The following BMPR1B variants were observed in gnomAD, a reference collection of about 807,000 sequenced individuals.
The protein encoded by BMPR1B is bone morphogenetic protein receptor type 1B.
In BMPR1B, 12 loss-of-function variants were observed where a neutral mutation model predicts 59.1. That is an observed-to-expected ratio of 0.20 (90% CI 0.13 to 0.33). The LOEUF (loss-of-function observed/expected upper bound fraction) is 0.33, where lower values mean the gene tolerates loss of function less well. Among genes scored for constraint, BMPR1B ranks in the 10% least tolerant of loss-of-function variants. The pLI, the probability that BMPR1B is intolerant of heterozygous loss-of-function variation, is 1.00. For synonymous variants in BMPR1B, 237 were observed against 207.3 expected (o/e 1.14, Z -1.23); for missense variants, 550 against 610.9 (o/e 0.90, Z 1.05).
rs200976327 is a variant in BMPR1B at position 95,032,922 on chromosome 4, A to G, written c.-18+36788A>G. Among the ~76,000 whole-genome samples, 13 of 152,236 alleles carry G rather than the reference A, an allele frequency of 8.5e-5. No homozygotes were observed. The East Asian group carries it at 1.9e-3, about 23-fold the overall frequency. On this transcript the variant is annotated intron_variant, in intron 3 of 12. Coordinates refer to ENST00000515059, the MANE Select transcript of BMPR1B (RefSeq NM_001203.3). ...GCCATACTATTTCCATAGCTGCCAC[A>G]CTATTTTACATTTCCTCCAACAGTG...
chr4:95,095,589 C>G (rs1410511616), intron 3 of BMPR1B, among the ~76,000 whole-genome samples: 1 of 151,968 alleles, frequency 6.6e-6, no homozygotes, highest in Middle Eastern at 3.2e-3. Context: ...TGAGAATCAA[C>G]ATTTGGTTAA....
chr4:94,865,002 TTTTC>T (rs775967359), intron 1 of BMPR1B, among the ~76,000 whole-genome samples: 5 of 152,092 alleles, frequency 3.3e-5, no homozygotes, highest in African/African-American at 7.2e-5. Context: ...ATCTTCAAGT[TTTTC>T]TTTCTTTCTT....
intron 3 of BMPR1B, among the ~76,000 whole-genome samples, chr4:95,057,402 G>A (rs543524106): frequency 5.3e-5 from 8 of 152,054 alleles, no homozygotes; most frequent in East Asian, 1.9e-4. Context: ...ACGCCACCAC[G>A]CCCAGCTATT....
At chr4:94,838,723 T>A (rs1276977101) in intron 1 of BMPR1B, among the ~76,000 whole-genome samples, 3 of 136,710 alleles carry the variant, frequency 2.2e-5, no homozygotes, top group Non-Finnish European at 4.8e-5. Flanking sequence ...CCTGGATTCA[T>A]TAATTTTTTG....
At chr4:94,974,008 A>G (rs184257354) in intron 2 of BMPR1B, among the ~76,000 whole-genome samples, 2 of 152,322 alleles carry the variant, frequency 1.3e-5, no homozygotes, top group African/African-American at 4.8e-5. Context: ...TGTTTATGTC[A>G]ATTCATGCTT....
chr4:94,866,314 A>C (rs1412660455), intron 1 of BMPR1B, among the ~76,000 whole-genome samples: 1 of 151,994 alleles, frequency 6.6e-6, no homozygotes, highest in African/African-American at 2.4e-5. Flanking sequence ...GTCAACATCC[A>C]CTTGTATTTC....
At chr4:94,879,011 A>T (rs1035672685) in intron 2 of BMPR1B, among the ~76,000 whole-genome samples, 4 of 150,110 alleles carry the variant, frequency 2.7e-5, no homozygotes, top group Admixed American at 1.3e-4. Context: ...TTATTTTTTT[A>T]TTATTATACT....
chr4:94,942,514 A>C (rs1489073676), intron 2 of BMPR1B, among the ~76,000 whole-genome samples: 1 of 152,230 alleles, frequency 6.6e-6, no homozygotes, highest in East Asian at 1.9e-4. Flanking sequence ...TAATCAGCCA[A>C]ATAAACAAGT....
At chr4:95,138,236 C>A (rs1733954094) in intron 10 of BMPR1B, among the ~76,000 whole-genome samples, 1 of 152,142 alleles carries the variant, frequency 6.6e-6, no homozygotes, top group African/African-American at 2.4e-5. Flanking sequence ...ATATTGGCCC[C>A]CACTCTCTTC....
chr4:95,036,797 T>G (rs778383307), intron 3 of BMPR1B, among the ~76,000 whole-genome samples: 9 of 151,936 alleles, frequency 5.9e-5, no homozygotes, highest in Admixed American at 2.0e-4. Context: ...ATATCTGAAC[T>G]GTTTTCTGTA....
intron 3 of BMPR1B, among the ~76,000 whole-genome samples, chr4:95,094,113 C>T (rs929532974): frequency 2.0e-5 from 3 of 151,986 alleles, no homozygotes; most frequent in Non-Finnish European, 2.9e-5. Context: ...CCACGTGTAG[C>T]TGATTTGTCT....
At chr4:95,103,019 T>G (rs1009870992) in intron 3 of BMPR1B, among the ~76,000 whole-genome samples, 2 of 152,094 alleles carry the variant, frequency 1.3e-5, no homozygotes, top group Admixed American at 1.3e-4. Context: ...ATCAACATTT[T>G]TTTTTTCTGG....
intron 2 of BMPR1B, among the ~76,000 whole-genome samples, chr4:94,945,582 A>G (rs1345026905): frequency 6.6e-6 from 1 of 152,100 alleles, no homozygotes; most frequent in Non-Finnish European, 1.5e-5. Flanking sequence ...CTACAAGTAC[A>G]TGCCATCATG....
chr4:94,885,433 G>T (rs1727136558), intron 2 of BMPR1B, among the ~76,000 whole-genome samples: 1 of 152,186 alleles, frequency 6.6e-6, no homozygotes, highest in Non-Finnish European at 1.5e-5. Context: ...GAATGGTAGA[G>T]TTTGGACATT....
At chr4:94,853,236 A>G (rs1320106821) in intron 1 of BMPR1B, among the ~76,000 whole-genome samples, 1 of 152,194 alleles carries the variant, frequency 6.6e-6, no homozygotes, top group African/African-American at 2.4e-5. Context: ...GTAAAAATGA[A>G]AAGTTTCTTT....
intron 1 of BMPR1B, among the ~76,000 whole-genome samples, chr4:94,864,689 A>G (rs1726139196): frequency 6.6e-6 from 1 of 152,188 alleles, no homozygotes; most frequent in African/African-American, 2.4e-5. Context: ...AAGAGGCACA[A>G]GCTTAAGGTA....
intron 1 of BMPR1B, among the ~76,000 whole-genome samples, chr4:94,849,793 G>GGT (rs1553912364): frequency 0.042 from 1,118 of 26,894 alleles, 10 homozygotes; most frequent in African/African-American, 0.1. Flanking sequence ...GGGGTTTTTT[G>GGT]GTGTGTGTGT....
At chr4:95,017,601 T>A (rs1345130933) in intron 3 of BMPR1B, among the ~76,000 whole-genome samples, 5 of 152,236 alleles carry the variant, frequency 3.3e-5, no homozygotes, top group Non-Finnish European at 5.9e-5. Context: ...GACAGATGAA[T>A]CTTGGCACTT....
At chr4:94,908,329 GT>G (rs58910361) in intron 2 of BMPR1B, among the ~76,000 whole-genome samples, 31 of 145,268 alleles carry the variant, frequency 2.1e-4, no homozygotes, top group African/African-American at 3.3e-4. Flanking sequence ...ATTTGAAATT[GT>G]TTTTTTTTTG....
Sources: allele counts gnomAD v4.1 joint callset (sites outside exome capture counted in the v4.1 genomes callset), GRCh38; gene constraint gnomAD v4.1.1; transcripts MANE v1.5; gene names NCBI Gene and HGNC (gene_info 2026-07-23, HGNC 2026-07-21).